Variants in EXOSC10 observed in about 807,000 individuals in gnomAD.
EXOSC10 encodes exosome complex component 10.
EXOSC10 carries 94 observed loss-of-function variants against 126.6 expected under a neutral mutation model. The ratio of observed to expected loss-of-function variants is 0.74; its 90% CI spans 0.63 to 0.88. EXOSC10 has a LOEUF of 0.88. EXOSC10 is among the 40% of genes least tolerant of loss of function. The pLI, the probability that EXOSC10 is intolerant of heterozygous loss-of-function variation, is 0.00. For missense variants in EXOSC10, 1,041 were observed against 1,100.5 expected (o/e 0.95, Z 0.77); for synonymous variants, 395 against 400.8 (o/e 0.99, Z 0.17).
In EXOSC10 at chr1:11,095,829, T is replaced by G. The variant is rs199948532; in HGVS notation, c.301A>C (p.Ser101Arg). 1,378 of 1,614,136 alleles carry G rather than the reference T, an allele frequency of 8.5e-4. 18 individuals are homozygous for G. The South Asian group carries it at 0.015, about 17-fold the overall frequency. ...HGCRSNIKDR[S>R]KVTELEDKFD... is the part of the protein sequence containing the mutation. ...TTGTCTTCCAGCTCAGTCACTTTAC[T>G]TCGATCCTTAATGTTGCTGCGACAC... The change falls in exon 3 of 25, where the codon AGT becomes CGT. Residue 101 changes from serine to arginine, a missense_variant. Coordinates refer to ENST00000376936, the MANE Select transcript of EXOSC10 (RefSeq NM_001001998.3).
At position 11,087,506 on chromosome 1, in the gene EXOSC10, T is replaced by A. The variant is rs982533649; in HGVS notation, c.1031A>T (p.Glu344Val). ...RTEDFIIDTL[E>V]LRSDMYILNE... ...GAGAATGTACATGTCACTTCGAAGC[T>A]CGAGGGTGTCAATGATGAAGTCTTC... The change falls in exon 9 of 25, where the codon GAG (glutamate) becomes GTG (valine). Residue 344 changes from glutamate (E) to valine (V), a missense_variant. This residue lies in a region of EXOSC10 where 645 missense variants were observed against 656.3 expected (regional missense o/e 0.98). Coordinates refer to ENST00000376936, the MANE Select transcript of EXOSC10 (RefSeq NM_001001998.3). 6.2e-7 allele frequency: 1 copy of A among 1,614,102 alleles called. No homozygotes were observed. Among genetic ancestry groups the A allele is most frequent in the Non-Finnish European group, 8.5e-7 (1 of 1,180,022 alleles).
At chr1:11,074,379 C>A in intron 17 of EXOSC10, 53 bp from the exon 18 acceptor site, 1 of 1,228,898 alleles carries the variant, frequency 8.1e-7, no homozygotes, top group Non-Finnish European at 1.2e-6. Flanking sequence ...TCTGTGACAT[C>A]AAGATGCAAG....
chr1:11,084,758 G>A (rs1640394752), intron 9 of EXOSC10, among the ~76,000 whole-genome samples: 1 of 152,148 alleles, frequency 6.6e-6, no homozygotes, highest in African/African-American at 2.4e-5. Context: ...ATGGTTTTAG[G>A]TCTAACGTTG....
chr1:11,081,397 T>C (rs1270504647), intron 10 of EXOSC10, among the ~76,000 whole-genome samples, 159 bp from the exon 11 acceptor site: 1 of 152,208 alleles, frequency 6.6e-6, no homozygotes, highest in Non-Finnish European at 1.5e-5. Context: ...CATTTTAACA[T>C]GATAAACCAT....
At chr1:11,087,255 G>A (rs527332520) in intron 9 of EXOSC10, among the ~76,000 whole-genome samples, 193 bp downstream of exon 9, 19 of 152,196 alleles carry the variant, frequency 1.2e-4, no homozygotes, top group Admixed American at 5.2e-4. Context: ...TTTTCTGGGC[G>A]GTAACAAGCT....
Position 11,079,758 on chromosome 1 carries a change from C to A in EXOSC10, c.1702G>T (p.Glu568Ter). The A allele has an allele frequency of 6.2e-7, 1 of 1,613,970 alleles. No individual in the cohort carries two copies. The highest frequency in any genetic ancestry group is 8.5e-7 in the Non-Finnish European group (1 of 1,179,968). Reference protein sequence around the residue: ...VPPLVRQQINEMHLLIQQARE... With the variant: ...VPPLVRQQIN ...GCCTGCTGGATTAAAAGGTGCATTT[C>A]GTTGATCTGCTGCCGCACAAGGGGC... Residue 568 changes from glutamate (E) to a stop codon, truncating the protein, a stop_gained, in exon 14 of 25, where the codon GAA becomes TAA. Coordinates refer to ENST00000376936, the MANE Select transcript of EXOSC10 (RefSeq NM_001001998.3). LOFTEE classifies it high-confidence loss of function.
chr1:11,088,075 C>G, intron 7 of EXOSC10, 48 bp downstream of exon 7: 2 of 1,454,298 alleles, frequency 1.4e-6, no homozygotes, highest in South Asian at 2.4e-5. Context: ...TTATTTGATT[C>G]CTCTTGGGCT....
chr1:11,075,853 CAAAAAAAAAAAAAAAAAA>C (rs58667041), intron 17 of EXOSC10, among the ~76,000 whole-genome samples: 1 of 35,122 alleles, frequency 2.8e-5, no homozygotes, highest in Non-Finnish European at 4.6e-5. Context: ...GATCCTGTCA[CAAAAAAAAAAAAAAAAAA>C]AAAAAAAAAA....
intron 17 of EXOSC10, among the ~76,000 whole-genome samples, chr1:11,075,118 C>T (rs1391217284): frequency 4.6e-5 from 7 of 152,038 alleles, no homozygotes; most frequent in Non-Finnish European, 7.4e-5. Context: ...CTGCAACCTC[C>T]GCCTCCTGGA....
chr1:11,070,521 CAAAA>C (rs70977541), intron 21 of EXOSC10: 1,396 of 112,700 alleles, frequency 0.012, 11 homozygotes, highest in East Asian at 0.039. Context: ...GACACTACTT[CAAAA>C]AAAAAAAAAA....
At chr1:11,096,637 C>T (rs193083750) in intron 2 of EXOSC10, among the ~76,000 whole-genome samples, 64 of 150,922 alleles carry the variant, frequency 4.2e-4, no homozygotes, top group Admixed American at 9.2e-4. Flanking sequence ...CACCACCACT[C>T]CCAGCTACTT....
Position 11,089,222 on chromosome 1 carries a change from T to TAAAAAAA in EXOSC10, c.759-1031_759-1025dup, listed in dbSNP as rs533212430. 1.0e-3 allele frequency among the ~76,000 whole-genome samples: 52 copies of TAAAAAAA among 49,752 alleles called. 1 individual carries two copies. Among genetic ancestry groups the TAAAAAAA allele is most frequent in the African/African-American group, 2.9e-3 (50 of 17,204 alleles). 32.6% of individuals were successfully genotyped at this position (49,752 alleles called of 152,430 possible). A position where few individuals can be genotyped will look rare whatever the true frequency, so the allele number is the denominator to read the frequency against. ...CCCAGCCTGGGTGACAGAGCAAAAC[T>TAAAAAAA]AAAAAAAAAAAAAAAAAAAAAAGTG... On this transcript the variant is annotated intron_variant, in intron 6 of 24. Coordinates refer to ENST00000376936, the MANE Select transcript of EXOSC10 (RefSeq NM_001001998.3).
intron 3 of EXOSC10, among the ~76,000 whole-genome samples, chr1:11,094,603 CT>C (rs772853273): frequency 4.0e-3 from 514 of 127,970 alleles, no homozygotes; most frequent in African/African-American, 7.2e-3. Flanking sequence ...GCCAGGCCAC[CT>C]TTTTTTTTTT....
chr1:11,082,982 T>C, intron 9 of EXOSC10, 104 bp from the exon 10 acceptor site: 2 of 910,132 alleles, frequency 2.2e-6, no homozygotes, highest in South Asian at 3.0e-5. Context: ...TAGAAGGTAG[T>C]CTCCGCTGTC....
chr1:11,089,814 C>T lies in EXOSC10; in HGVS notation c.758+740G>A, dbSNP rs1456038960. On this transcript the variant is annotated intron_variant, in intron 6 of 24. Transcript: ENST00000376936. The stretch of plus-strand genomic sequence containing the variant: ...CAAAAATTAGCTGTGCATGATGGCT[C>T]ATGCCTGTGGTCACAGCTACTTGGG... Among the ~76,000 whole-genome samples, 3 of 150,606 alleles carry T rather than the reference C, an allele frequency of 2.0e-5. No individual in the cohort carries two copies. The East Asian group carries it at 6.0e-4, about 30-fold the overall frequency.
At chr1:11,092,915 G>A (rs1195608107) in intron 3 of EXOSC10, among the ~76,000 whole-genome samples, 2 of 152,180 alleles carry the variant, frequency 1.3e-5, no homozygotes, top group Non-Finnish European at 2.9e-5. Context: ...CTTTGTGTAA[G>A]ATTTTGCCCA....
intron 9 of EXOSC10, among the ~76,000 whole-genome samples, chr1:11,083,896 C>T (rs375245321): frequency 1.4e-5 from 2 of 143,850 alleles, no homozygotes; most frequent in Admixed American, 7.0e-5. Context: ...TTTGTTCTTG[C>T]GATAGTTTAC....
chr1:11,077,288 G>T lies in EXOSC10; in HGVS notation c.1879+77C>A, dbSNP rs1430577540. On this transcript the variant is annotated intron_variant, in intron 16 of 24. Coordinates refer to ENST00000376936, the MANE Select transcript of EXOSC10 (RefSeq NM_001001998.3). ...TTACAGGCATAAGCCACCACGCCCG[G>T]CCAAGCCTACAGAATTTTAGACAAG... The T allele has an allele frequency of 7.4e-6, 11 of 1,477,610 alleles. No homozygotes were observed. In the South Asian group the frequency reaches 1.3e-4, roughly 17 times the overall value. 91.5% of individuals were successfully genotyped at this position (1,477,610 alleles called of 1,614,324 possible).
intron 10 of EXOSC10, 168 bp downstream of exon 10, chr1:11,082,519 TA>T: frequency 1.4e-6 from 2 of 1,443,664 alleles, no homozygotes; most frequent in Non-Finnish European, 1.8e-6. Flanking sequence ...ACCTTAGCAT[TA>T]AAAAATTTCC....
Sources: gnomAD v4.1 joint callset for allele counts (sites outside exome capture counted in the v4.1 genomes callset) on GRCh38, gnomAD v4.1.1 for gene constraint, gnomAD v4.1.1 regional missense constraint, MANE v1.5 for transcripts, NCBI Gene and HGNC (gene_info 2026-07-23, HGNC 2026-07-21) for gene names.